The following ATP9A variants were observed in gnomAD, a reference collection of about 807,000 sequenced individuals.
ATP9A encodes the protein probable phospholipid-transporting ATPase IIA.
ATP9A carries 52 observed loss-of-function variants against 144.1 expected under a neutral mutation model. The ratio of observed to expected loss-of-function variants is 0.36; its 90% CI spans 0.29 to 0.45. ATP9A has a LOEUF of 0.45. Among genes scored for constraint, ATP9A ranks in the 20% least tolerant of loss-of-function variants. The pLI is 1.00. For synonymous variants in ATP9A, 582 were observed against 557.4 expected (o/e 1.04, Z -0.62); for missense variants, 947 against 1,392.7 (o/e 0.68, Z 5.09).
chr20:51,761,243 T>C (rs931377123), intron 1 of ATP9A, among the ~76,000 whole-genome samples: 1 of 152,174 alleles, frequency 6.6e-6, no homozygotes, highest in Non-Finnish European at 1.5e-5. Flanking sequence ...ATCTTTTTCC[T>C]CCACCGTCAG....
At chr20:51,627,821 G>T in intron 16 of ATP9A, 138 bp from the exon 17 acceptor site, 1 of 729,682 alleles carries the variant, frequency 1.4e-6, no homozygotes, top group Non-Finnish European at 2.4e-6. Context: ...TTTCCCCTAC[G>T]GCAATCCTCC....
At chr20:51,747,098 G>GTTTTT (rs11467381) in intron 1 of ATP9A, among the ~76,000 whole-genome samples, 3 of 138,688 alleles carry the variant, frequency 2.2e-5, no homozygotes, top group Non-Finnish European at 3.1e-5. Context: ...TGGGTTTTTC[G>GTTTTT]TTTTTTTTTT....
At chr20:51,639,318 T>TAA (rs778103724) in intron 15 of ATP9A, 25 bp downstream of exon 15, 2 of 1,595,388 alleles carry the variant, frequency 1.3e-6, no homozygotes, top group South Asian at 2.3e-5. Flanking sequence ...TTAAGCACTT[T>TAA]AAGCCATGAA....
At chr20:51,714,064 G>A (rs112617963) in intron 3 of ATP9A, among the ~76,000 whole-genome samples, 164 of 150,930 alleles carry the variant, frequency 1.1e-3, no homozygotes, top group African/African-American at 3.8e-3. Flanking sequence ...GCACCACCAC[G>A]CCCAGCTAAT....
At chr20:51,731,696 G>A (rs1395121368) in intron 1 of ATP9A, among the ~76,000 whole-genome samples, 2 of 151,448 alleles carry the variant, frequency 1.3e-5, no homozygotes, top group Admixed American at 6.6e-5. Context: ...TCCAGCCTGG[G>A]TGACAGAGGG....
intron 1 of ATP9A, among the ~76,000 whole-genome samples, chr20:51,762,305 C>A (rs1284682080): frequency 6.6e-6 from 1 of 152,144 alleles, no homozygotes; most frequent in African/African-American, 2.4e-5. Flanking sequence ...TCGAGACCAT[C>A]TCGGTCAACA....
intron 11 of ATP9A, 52 bp from the exon 12 acceptor site, chr20:51,671,309 T>G: frequency 6.3e-7 from 1 of 1,580,902 alleles, no homozygotes. Context: ...TAAGGCTCCT[T>G]GTATCTTTAT....
At chr20:51,610,641 A>C (rs2077181437) in intron 23 of ATP9A, among the ~76,000 whole-genome samples, 1 of 152,046 alleles carries the variant, frequency 6.6e-6, no homozygotes, top group South Asian at 2.1e-4. Context: ...TATGGGACTC[A>C]AGCCCAGCTG....
In ATP9A at chr20:51,618,613, T is replaced by C. The variant is rs1287629464; in HGVS notation, c.2350+49A>G. 2.6e-6 allele frequency: 4 copies of C among 1,565,052 alleles called. No individual in the cohort carries two copies. In the South Asian group the frequency reaches 3.5e-5, roughly 14 times the overall value. ...CAAATATCCTTAGGGAAAGGGAGCC[T>C]GGTGCACCGGCAGGCCAGGGCCAGC... On this transcript the variant is annotated intron_variant, in intron 21 of 27. Transcript: ENST00000338821.
intron 1 of ATP9A, among the ~76,000 whole-genome samples, chr20:51,762,513 G>C (rs2077885197): frequency 6.7e-6 from 1 of 149,740 alleles, no homozygotes; most frequent in African/African-American, 2.5e-5. Context: ...AAAAAAATTA[G>C]CTGGGCGTGG....
At chr20:51,760,261 C>T (rs1038172172) in intron 1 of ATP9A, among the ~76,000 whole-genome samples, 4 of 148,798 alleles carry the variant, frequency 2.7e-5, no homozygotes, top group Admixed American at 6.8e-5. Context: ...CCATAACGTA[C>T]ATTAAATATG....
Position 51,629,017 on chromosome 20 carries a change from G to A in ATP9A, c.1724C>T (p.Ala575Val). 1 of 1,614,098 alleles carries A rather than the reference G, an allele frequency of 6.2e-7. No homozygotes were observed. Among genetic ancestry groups the A allele is most frequent in the Non-Finnish European group, 8.5e-7 (1 of 1,179,958 alleles). The change falls in exon 16 of 28, where the codon GCT becomes GTT. Residue 575 changes from alanine (A) to valine (V), a missense_variant. This residue lies in a region of ATP9A where 770 missense variants were observed against 1,047.9 expected (regional missense o/e 0.73). Coordinates refer to ENST00000338821, the MANE Select transcript of ATP9A (RefSeq NM_006045.3). ...CCAGTCATTGTACTGCACAATGCCAGCCATGACCACATCTGCTCCCTTCAT... is the reference window on the plus strand; with the variant it reads ...CCAGTCATTGTACTGCACAATGCCAACCATGACCACATCTGCTCCCTTCAT... The part of the protein sequence containing the change: ...FYMKGADVVM[A>V]GIVQYNDWLE...
chr20:51,686,956 C>G (rs1015575680), intron 9 of ATP9A, among the ~76,000 whole-genome samples: 2 of 148,608 alleles, frequency 1.3e-5, no homozygotes, highest in African/African-American at 2.5e-5. Context: ...CAACTAGTAA[C>G]TTACAAAGAA....
intron 13 of ATP9A, among the ~76,000 whole-genome samples, chr20:51,666,677 C>CT (rs200376262): frequency 2.0e-5 from 2 of 102,246 alleles, no homozygotes; most frequent in African/African-American, 5.0e-5. Flanking sequence ...GAGACTGTGT[C>CT]TTAAAAAAAA....
chr20:51,736,590 G>A (rs976540257), intron 1 of ATP9A, among the ~76,000 whole-genome samples: 1 of 150,556 alleles, frequency 6.6e-6, no homozygotes, highest in Non-Finnish European at 1.5e-5. Flanking sequence ...CTGGGCTCAA[G>A]CTATCCTCCT....
intron 4 of ATP9A, among the ~76,000 whole-genome samples, chr20:51,703,698 C>T (rs2077603610): frequency 6.6e-6 from 1 of 152,024 alleles, no homozygotes; most frequent in African/African-American, 2.4e-5. Context: ...TCCCTTGAGT[C>T]GAAACAAGCA....
intron 4 of ATP9A, among the ~76,000 whole-genome samples, chr20:51,707,457 A>C (rs1053712886): frequency 6.6e-6 from 1 of 152,128 alleles, no homozygotes; most frequent in African/African-American, 2.4e-5. Context: ...CACCATGCCA[A>C]GTCCCAAGGC....
At chr20:51,722,868 C>T (rs1044179582) in intron 3 of ATP9A, among the ~76,000 whole-genome samples, 5 of 152,256 alleles carry the variant, frequency 3.3e-5, no homozygotes, top group Middle Eastern at 3.4e-3. Context: ...AGTCATTATA[C>T]GAAAAAGATA....
intron 1 of ATP9A, among the ~76,000 whole-genome samples, chr20:51,765,202 G>T (rs2077898331): frequency 6.6e-6 from 1 of 152,022 alleles, no homozygotes; most frequent in Admixed American, 6.6e-5. Context: ...TCTATTTCAG[G>T]AAGCTCCTCC....
Sources: allele counts gnomAD v4.1 joint callset (sites outside exome capture counted in the v4.1 genomes callset), GRCh38; gene constraint gnomAD v4.1.1; regional missense constraint gnomAD v4.1.1; transcripts MANE v1.5; gene names NCBI Gene and HGNC (gene_info 2026-07-23, HGNC 2026-07-21).